The following MTFR1 variants were observed in gnomAD, a reference collection of about 807,000 sequenced individuals.
MTFR1 encodes the protein chondrocyte protein with a poly-proline region.
A neutral mutation model predicts 38.8 loss-of-function variants in MTFR1; 28 were observed. That is an observed-to-expected ratio of 0.72 (90% CI 0.53 to 0.99). The LOEUF (loss-of-function observed/expected upper bound fraction) is 0.99, where lower values mean the gene tolerates loss of function less well. Ranked by LOEUF, MTFR1 falls within the 50% of genes least tolerant of loss-of-function variation. The pLI is 0.00. For synonymous variants in MTFR1, 145 were observed against 137.0 expected (o/e 1.06, Z -0.41); for missense variants, 358 against 395.5 (o/e 0.91, Z 0.81).
intron 1 of MTFR1, among the ~76,000 whole-genome samples, chr8:65,656,466 T>C (rs1809273182): frequency 6.6e-6 from 1 of 151,512 alleles, no homozygotes; most frequent in Non-Finnish European, 1.5e-5. Context: ...CCTGAGTCAG[T>C]AGGACTACAG....
intron 1 of MTFR1, among the ~76,000 whole-genome samples, chr8:65,663,821 T>C (rs1434069118): frequency 1.4e-5 from 2 of 145,126 alleles, no homozygotes; most frequent in African/African-American, 5.2e-5. Flanking sequence ...TAATTTCTTT[T>C]CTTTTTTTTT....
intron 3 of MTFR1, among the ~76,000 whole-genome samples, chr8:65,764,440 T>C (rs953928893): frequency 6.6e-6 from 1 of 152,202 alleles, no homozygotes; most frequent in African/African-American, 2.4e-5. Flanking sequence ...AAACAGATAA[T>C]GGTTGGAAAA....
rs754605385 is a variant in MTFR1, at chr8:65,709,788, A to AAAT, written c.*745_*747dup. ...TAGTGATGAATCAAATTATTGAATTAAATTTCTTCTTAAGAAGTAAAAACT... is the reference window on the plus strand; with the variant it reads ...TAGTGATGAATCAAATTATTGAATTAAATAATTTCTTCTTAAGAAGTAAAAACT... On this transcript the variant is annotated 3_prime_UTR_variant, in exon 8 of 8. Transcript: ENST00000262146. 3.3e-5 allele frequency: 5 copies of AAAT among 152,688 alleles called. No individual in the cohort carries two copies. The highest frequency in any genetic ancestry group is 7.3e-5 in the Non-Finnish European group (5 of 68,048). The allele number at this position is 152,688 out of a possible 1,614,324, so 9.5% of individuals were successfully genotyped here.
chr8:65,724,713 A>T, intron 3 of MTFR1: 1 of 1,389,070 alleles, frequency 7.2e-7, no homozygotes, highest in East Asian at 2.3e-5. Context: ...TAGAATATTC[A>T]TTTTTTAGTT....
chr8:65,776,891 C>T, the MTFR1 span, among the ~76,000 whole-genome samples: 1 of 152,038 alleles, frequency 6.6e-6, no homozygotes, highest in East Asian at 1.9e-4. Context: ...TGAAACAATA[C>T]TGAATAGGAA....
intron 2 of MTFR1, among the ~76,000 whole-genome samples, chr8:65,676,968 A>G (rs1475544203): frequency 6.6e-6 from 1 of 151,732 alleles, no homozygotes; most frequent in African/African-American, 2.4e-5. Context: ...AGACACAGAC[A>G]TGCATGTGCG....
chr8:65,692,029 T>G (rs1805296252), intron 3 of MTFR1, among the ~76,000 whole-genome samples: 1 of 152,214 alleles, frequency 6.6e-6, no homozygotes, highest in African/African-American at 2.4e-5. Context: ...AAAGTTTGAC[T>G]TGGCAATGAT....
chr8:65,667,916 T>G (rs1234907728), intron 1 of MTFR1, among the ~76,000 whole-genome samples: 1 of 152,164 alleles, frequency 6.6e-6, no homozygotes, highest in African/African-American at 2.4e-5. Context: ...TGCTGTTCAT[T>G]TTTACCCATG....
At chr8:65,766,420 A>G (rs1199171175) in intron 3 of MTFR1, among the ~76,000 whole-genome samples, 1 of 152,240 alleles carries the variant, frequency 6.6e-6, no homozygotes, top group Non-Finnish European at 1.5e-5. Context: ...TACTCAAAAG[A>G]GTGAAACTAA....
intron 1 of MTFR1, among the ~76,000 whole-genome samples, chr8:65,652,117 T>G (rs955971533): frequency 2.6e-5 from 4 of 152,066 alleles, no homozygotes; most frequent in Non-Finnish European, 4.4e-5. Context: ...AATTTTTTTT[T>G]GAGACGAAGT....
chr8:65,768,017 G>A (rs547706724), intron 3 of MTFR1, among the ~76,000 whole-genome samples: 13 of 152,168 alleles, frequency 8.5e-5, no homozygotes, highest in Middle Eastern at 3.4e-3. Context: ...TGTGGGGTCT[G>A]ACACTCCCTC....
intron 3 of MTFR1, among the ~76,000 whole-genome samples, chr8:65,769,270 G>T (rs1342166226): frequency 6.3e-5 from 8 of 127,414 alleles, no homozygotes; most frequent in Non-Finnish European, 8.3e-5. Context: ...AAAAAAAAAA[G>T]TAACAGATGC....
In MTFR1 at chr8:65,684,389, C is replaced by CTT. The variant is rs139448639; in HGVS notation, c.165+1950_165+1951dup. ...ATTTGTATTTCCAGTTATATTGAGTCTTTTTTTTTTTTTGAGACTGAGTTT... is the reference window on the plus strand; with the variant it reads ...ATTTGTATTTCCAGTTATATTGAGTCTTTTTTTTTTTTTTTGAGACTGAGTTT... On this transcript the variant is annotated intron_variant, in intron 3 of 7. Transcript: ENST00000262146. Among the ~76,000 whole-genome samples the CTT allele has an allele frequency of 8.2e-3, 1,177 of 143,734 alleles. 13 individuals are homozygous for CTT. The highest frequency in any genetic ancestry group is 0.011 in the Admixed American group (164 of 14,334). The allele number at this position is 143,734 out of a possible 152,430, so 94.3% of individuals were successfully genotyped here.
intron 3 of MTFR1, among the ~76,000 whole-genome samples, chr8:65,755,728 T>C (rs980157599): frequency 1.3e-5 from 2 of 152,244 alleles, no homozygotes; most frequent in Non-Finnish European, 2.9e-5. Flanking sequence ...TATTTCCTCT[T>C]ATGGCTTTAG....
At chr8:65,644,202 G>C (rs999284141), upstream of MTFR1, among the ~76,000 whole-genome samples, 2 of 152,144 alleles carry the variant, frequency 1.3e-5, no homozygotes, top group African/African-American at 2.4e-5. Context: ...GAATCGGACT[G>C]AACAGACGCT....
chr8:65,645,093 C>T (rs1375082432), intron 1 of MTFR1, among the ~76,000 whole-genome samples: 1 of 152,214 alleles, frequency 6.6e-6, no homozygotes, highest in Non-Finnish European at 1.5e-5. Context: ...CTGCCCCCTC[C>T]CCCGACCTTC....
intron 1 of MTFR1, among the ~76,000 whole-genome samples, chr8:65,647,806 CAA>C (rs11361465): frequency 1.0e-3 from 152 of 150,550 alleles, no homozygotes; most frequent in African/African-American, 2.2e-3. Context: ...AGATAAGCAA[CAA>C]AAAAAAAAAT....
chr8:65,770,121 C>CTGTGTGTGTG (rs10608556), intron 3 of MTFR1, among the ~76,000 whole-genome samples: 13 of 146,452 alleles, frequency 8.9e-5, no homozygotes, highest in Admixed American at 6.1e-4. Context: ...CAGTATACTT[C>CTGTGTGTGTG]TGTGTGTGTG....
At chr8:65,775,883 C>T (rs1454010228), downstream of MTFR1, among the ~76,000 whole-genome samples, 1 of 152,216 alleles carries the variant, frequency 6.6e-6, no homozygotes, top group Non-Finnish European at 1.5e-5. Context: ...CCTGCCTCGG[C>T]TTTCCAAAGT....
Sources: allele counts gnomAD v4.1 joint callset (sites outside exome capture counted in the v4.1 genomes callset), GRCh38; gene constraint gnomAD v4.1.1; transcripts MANE v1.5; gene names NCBI Gene and HGNC (gene_info 2026-07-23, HGNC 2026-07-21).